EIF2S3: variants seen among roughly 807,000 people sequenced by gnomAD.
EIF2S3 encodes the protein eukaryotic translation initiation factor 2 subunit gamma, also known as eukaryotic translation initiation factor 2 subunit 3.
A neutral mutation model predicts 31.7 loss-of-function variants in EIF2S3; 2 were observed. The ratio of observed to expected loss-of-function variants is 0.06; its 90% confidence interval spans 0.03 to 0.20. The LOEUF (loss-of-function observed/expected upper bound fraction) is 0.20. Among genes scored for constraint, EIF2S3 ranks in the 10% least tolerant of loss-of-function variants. The pLI is 1.00. For missense variants in EIF2S3, 96 were observed against 359.3 expected (o/e 0.27, Z 5.92); for synonymous variants, 120 against 126.7 (o/e 0.95, Z 0.36).
intron 7 of EIF2S3, 96 bp from the exon 8 acceptor site, chrX:24,065,902 C>A (rs1392646838): frequency 1.3e-6 from 1 of 768,864 alleles, no homozygotes; most frequent in African/African-American, 2.1e-5. Flanking sequence ...TGGTATAAAT[C>A]TCAAATGGCC....
chrX:24,070,438 A>AGTTT (rs1397101052), intron 9 of EIF2S3, among the ~76,000 whole-genome samples: 35 of 55,280 alleles, frequency 6.3e-4, no homozygotes, highest in African/African-American at 2.8e-3. Flanking sequence ...AATCATATGT[A>AGTTT]GTTTTTTTTT....
In EIF2S3 at chrX:24,076,965, G is replaced by T; in HGVS notation, c.*180G>T. The T allele has an allele frequency of 3.1e-6, 1 of 322,598 alleles. No individual in the cohort carries two copies. Among genetic ancestry groups the T allele is most frequent in the Admixed American group, 6.4e-5 (1 of 15,512 alleles). The allele number at this position is 322,598 out of a possible 1,213,427, so 26.6% of individuals were successfully genotyped here. ...TTTTTTTTGGTTATGAAAACTTAGGGACTAAAATTAATATAAAAATTGGCA... is the reference window on the plus strand; with the variant it reads ...TTTTTTTTGGTTATGAAAACTTAGGTACTAAAATTAATATAAAAATTGGCA... On this transcript the variant is annotated 3_prime_UTR_variant, in exon 12 of 12. Transcript: ENST00000253039.
At chrX:24,068,804 G>A (rs1286668636) in intron 9 of EIF2S3, among the ~76,000 whole-genome samples, 2 of 111,220 alleles carry the variant, frequency 1.8e-5, no homozygotes, top group Non-Finnish European at 3.8e-5. Flanking sequence ...TCAGTTGAAT[G>A]ATATCAGGTC....
At chrX:24,064,405 GT>G in intron 7 of EIF2S3, 70 bp downstream of exon 7, 1 of 1,069,736 alleles carries the variant, frequency 9.3e-7, no homozygotes. Flanking sequence ...CTTCAAGGAT[GT>G]TTATTAATAT....
chrX:24,062,303 T>G (rs1930504995), intron 5 of EIF2S3, 113 bp from the exon 6 acceptor site: 1 of 824,651 alleles, frequency 1.2e-6, no homozygotes, highest in African/African-American at 2.1e-5. Flanking sequence ...CATGTTTTCC[T>G]CCCCCAGCCC....
At chrX:24,066,523 C>CTTTTTTTTTTTTTTT (rs113989989) in intron 8 of EIF2S3, among the ~76,000 whole-genome samples, 1 of 94,338 alleles carries the variant, frequency 1.1e-5, no homozygotes. Flanking sequence ...CTTTTCTTTT[C>CTTTTTTTTTTTTTTT]TTTTTTTTTT....
intron 9 of EIF2S3, among the ~76,000 whole-genome samples, chrX:24,069,393 CAAG>C (rs1387326701): frequency 5.1e-4 from 50 of 97,951 alleles, no homozygotes; most frequent in Admixed American, 1.4e-3. Context: ...AAAAAAAAAA[CAAG>C]AAGAAAAGAA....
In EIF2S3 at chrX:24,076,926, C is replaced by CTTT. The variant is rs879230822; in HGVS notation, c.*160_*162dup. 5.7e-4 allele frequency: 103 copies of CTTT among 179,807 alleles called. No individual in the cohort carries two copies. The highest frequency in any genetic ancestry group is 3.6e-3 in the African/African-American group (67 of 18,552). 14.8% of individuals were successfully genotyped at this position (179,807 alleles called of 1,213,427 possible). The stretch of plus-strand genomic sequence containing the variant: ...TAGTAGGTAACGGTAAGGTTATTCT[C>CTTT]TTTTTTTTTTTTTTTTTTTTTGGTT... On this transcript the variant is annotated 3_prime_UTR_variant, in exon 12 of 12. Transcript: ENST00000253039.
At chrX:24,072,363 C>T (rs1930684457) in intron 10 of EIF2S3, among the ~76,000 whole-genome samples, 1 of 111,467 alleles carries the variant, frequency 9.0e-6, no homozygotes, top group African/African-American at 3.3e-5. Flanking sequence ...CGACTCACAG[C>T]AGCCTCGATC....
intron 9 of EIF2S3, among the ~76,000 whole-genome samples, chrX:24,069,392 A>G (rs1398415957): frequency 3.7e-5 from 4 of 107,150 alleles, no homozygotes; most frequent in Non-Finnish European, 7.7e-5. Flanking sequence ...AAAAAAAAAA[A>G]CAAGAAGAAA....
chrX:24,063,061 C>T (rs190741016), intron 6 of EIF2S3, among the ~76,000 whole-genome samples: 10 of 110,760 alleles, frequency 9.0e-5, no homozygotes, highest in African/African-American at 2.0e-4. Flanking sequence ...CTGACCAACA[C>T]GGAGAAACCC....
rs1364469350 is a variant in EIF2S3 at position 24,073,168 on chromosome X, C to A, written c.1260C>A (p.Val420=). ...CAACAGGAGGGAGAGTTAGTGCTGT[C>A]AAGGCCGATTTGGGTAAAATTGTTT... The part of the protein sequence containing the change: ...SLSTGGRVSA[V]KADLGKIVLT... The change falls in exon 11 of 12, where the codon GTC becomes GTA. Residue 420 remains valine (V), a synonymous_variant. Coordinates refer to ENST00000253039, the MANE Select transcript of EIF2S3 (RefSeq NM_001415.4). 4.1e-6 allele frequency: 5 copies of A among 1,209,870 alleles called. No individual in the cohort carries two copies. The Admixed American group carries it at 8.8e-5, about 21-fold the overall frequency.
At chrX:24,059,215 C>T (rs1930453965) in intron 4 of EIF2S3, among the ~76,000 whole-genome samples, 1 of 111,553 alleles carries the variant, frequency 9.0e-6, no homozygotes, top group African/African-American at 3.3e-5. Context: ...GTAGACAATA[C>T]GTGTGTAAAT....
chrX:24,057,651 C>T lies in EIF2S3; in HGVS notation c.280C>T (p.Pro94Ser), dbSNP rs761305657. The T allele has an allele frequency of 1.7e-6, 2 of 1,210,761 alleles. No homozygotes were observed. The highest frequency in any genetic ancestry group is 1.7e-5 in the African/African-American group (1 of 57,679). Residue 94 changes from proline (P) to serine (S), a missense_variant, in exon 4 of 12, where the codon CCA becomes TCA. Around this residue, in one of 5 missense-constraint regions of EIF2S3, gnomAD observed 22 missense variants for 34.5 expected, o/e 0.64. Transcript: ENST00000253039. The stretch of plus-strand genomic sequence containing the variant: ...ATTTTAGATTTATAAGCTTGATGAC[C>T]CAAGTTGCCCTCGGCCAGAATGTTA... ...ANAKIYKLDD[P>S]SCPRPECYRS... is the part of the protein sequence containing the mutation.
intron 7 of EIF2S3, among the ~76,000 whole-genome samples, chrX:24,065,110 G>C (rs1459300359): frequency 9.0e-6 from 1 of 111,494 alleles, no homozygotes; most frequent in African/African-American, 3.3e-5. Context: ...GTGTTTAGTA[G>C]GAAATAGTCT....
chrX:24,068,506 G>A (rs1444428773), intron 9 of EIF2S3, among the ~76,000 whole-genome samples: 2 of 109,420 alleles, frequency 1.8e-5, no homozygotes, highest in South Asian at 7.8e-4. Flanking sequence ...GTGCAGTGGT[G>A]CAATCTTGGC....
intron 8 of EIF2S3, among the ~76,000 whole-genome samples, chrX:24,067,210 A>AT (rs932467629): frequency 1.8e-5 from 2 of 110,085 alleles, no homozygotes; most frequent in African/African-American, 3.3e-5. Context: ...CGCCCAGCTA[A>AT]TTTTTTTGGT....
chrX:24,055,588 A>G (rs1022356975), intron 1 of EIF2S3, 27 bp from the exon 2 acceptor site: 1 of 1,196,641 alleles, frequency 8.4e-7, no homozygotes, highest in Non-Finnish European at 1.1e-6. Context: ...TTTTACGTGC[A>G]GTGTTTTAAA....
intron 5 of EIF2S3, 62 bp downstream of exon 5, chrX:24,060,244 A>G (rs760337066): frequency 2.0e-6 from 2 of 996,185 alleles, no homozygotes; most frequent in Admixed American, 2.2e-5. Flanking sequence ...TGAAATATTT[A>G]AAGGGGAACT....
Sources: gnomAD v4.1 joint callset for allele counts (sites outside exome capture counted in the v4.1 genomes callset) on GRCh38, gnomAD v4.1.1 for gene constraint, gnomAD v4.1.1 regional missense constraint, MANE v1.5 for transcripts, NCBI Gene and HGNC (gene_info 2026-07-23, HGNC 2026-07-21) for gene names.